TRAPPC10: variants seen among roughly 807,000 people sequenced by gnomAD.
The protein encoded by TRAPPC10 is trafficking protein particle complex subunit 10.
In TRAPPC10, 23 loss-of-function variants were observed where a neutral mutation model predicts 125.5. The observed-to-expected ratio is 0.18, with a 90% CI of 0.13 to 0.26. The LOEUF is 0.26. Ranked by LOEUF, TRAPPC10 falls within the 10% of genes least tolerant of loss-of-function variation. The pLI, the probability that TRAPPC10 is intolerant of heterozygous loss-of-function variation, is 1.00. For missense variants in TRAPPC10, 1,123 were observed against 1,308.4 expected (o/e 0.86, Z 2.19); for synonymous variants, 509 against 518.0 (o/e 0.98, Z 0.24).
chr21:44,079,895 T>TAA (rs370863418), intron 12 of TRAPPC10, 120 bp from the exon 13 acceptor site: 33 of 894,184 alleles, frequency 3.7e-5, no homozygotes, highest in African/African-American at 1.6e-4. Context: ...CCTAGTAACT[T>TAA]AAAAAAAAAA....
intron 7 of TRAPPC10, among the ~76,000 whole-genome samples, chr21:44,064,332 TGTGTGTGA>T (rs1231136126): frequency 2.0e-5 from 3 of 151,150 alleles, no homozygotes; most frequent in African/African-American, 4.9e-5. Flanking sequence ...TGTGTGTGTG[TGTGTGTGA>T]GTGTGAGAAT....
At chr21:44,030,118 G>T (rs928614198) in intron 1 of TRAPPC10, among the ~76,000 whole-genome samples, 3 of 152,352 alleles carry the variant, frequency 2.0e-5, no homozygotes, top group Non-Finnish European at 4.4e-5. Context: ...GTACGGCAGG[G>T]TTCCCAGGGA....
At chr21:44,065,095 C>T (rs1340476716) in intron 7 of TRAPPC10, among the ~76,000 whole-genome samples, 1 of 152,040 alleles carries the variant, frequency 6.6e-6, no homozygotes, top group Non-Finnish European at 1.5e-5. Flanking sequence ...TCTTACTAGC[C>T]GGGAGGGGGG....
At chr21:44,085,932 G>GA (rs973198032) in intron 15 of TRAPPC10, among the ~76,000 whole-genome samples, 4 of 152,116 alleles carry the variant, frequency 2.6e-5, no homozygotes, top group South Asian at 2.1e-4. Context: ...CTTCTACGTG[G>GA]AAAAAAATCA....
At position 44,063,074 on chromosome 21, in the gene TRAPPC10, C is replaced by A; in HGVS notation, c.791-464C>A. 7.7e-7 allele frequency: 1 copy of A among 1,304,234 alleles called. No individual in the cohort carries two copies. The highest frequency in any genetic ancestry group is 1.0e-6 in the Non-Finnish European group (1 of 989,118). The allele number at this position is 1,304,234 out of a possible 1,614,324, so 80.8% of individuals were successfully genotyped here. ...CCAGGAGCTTGACTCAGGGACGTGA[C>A]GTGGTTGAGTTAGGGAAATAAGGAA... is the stretch of plus-strand genomic sequence containing the variant. On this transcript the variant is annotated intron_variant, in intron 6 of 22. Transcript: ENST00000291574. This position sits in a 1 kb window ranked among gnomAD's most constrained non-coding sequence, Gnocchi z 4.4.
intron 1 of TRAPPC10, among the ~76,000 whole-genome samples, chr21:44,018,143 C>CTTTTTTT (rs60369997): frequency 1.3e-5 from 2 of 148,160 alleles, no homozygotes; most frequent in Non-Finnish European, 1.5e-5. Flanking sequence ...GTCTGATTTT[C>CTTTTTTT]TTTTTTTTTT....
At chr21:44,039,996 C>T (rs980163267) in intron 3 of TRAPPC10, among the ~76,000 whole-genome samples, 1 of 152,228 alleles carries the variant, frequency 6.6e-6, no homozygotes, top group African/African-American at 2.4e-5. Context: ...AGTGCTACAA[C>T]GTGCATAAGA....
At chr21:44,072,739 C>T (rs182498967) in intron 7 of TRAPPC10, among the ~76,000 whole-genome samples, 3 of 152,338 alleles carry the variant, frequency 2.0e-5, no homozygotes, top group Non-Finnish European at 4.4e-5. Flanking sequence ...GCTGAGATTA[C>T]AGGCGTGAGC....
intron 1 of TRAPPC10, among the ~76,000 whole-genome samples, chr21:44,014,536 G>T (rs1441761518): frequency 6.6e-6 from 1 of 151,694 alleles, no homozygotes; most frequent in Non-Finnish European, 1.5e-5. Flanking sequence ...CTCCCGAGTA[G>T]CTGGGATTAC....
At position 44,080,114 on chromosome 21, in the gene TRAPPC10, G is replaced by A. The variant is rs368607989; in HGVS notation, c.1710G>A (p.Pro570=). 5.0e-5 allele frequency: 80 copies of A among 1,613,884 alleles called. No homozygotes were observed. The highest frequency in any genetic ancestry group is 1.6e-4 in the Middle Eastern group (1 of 6,084). The change falls in exon 13 of 23, where the codon CCG becomes CCA. Residue 570 remains proline (P), a synonymous_variant. Coordinates refer to ENST00000291574, the MANE Select transcript of TRAPPC10 (RefSeq NM_003274.5). The part of the protein sequence containing the change: ...CQEILDFASQ[P]SDSPGHKIVL... ...AGATACTTGACTTTGCCAGCCAGCC[G>A]TCAGACAGCCCAGGTAAGACCAGTT... is the stretch of plus-strand genomic sequence containing the variant.
intron 20 of TRAPPC10, among the ~76,000 whole-genome samples, chr21:44,094,534 T>G (rs2038799639): frequency 6.6e-6 from 1 of 152,236 alleles, no homozygotes; most frequent in South Asian, 2.1e-4. Flanking sequence ...TCATGTTGAC[T>G]TAGTAACTCC....
chr21:44,084,372 G>A, intron 15 of TRAPPC10, 109 bp downstream of exon 15: 2 of 1,129,168 alleles, frequency 1.8e-6, no homozygotes, highest in Non-Finnish European at 2.4e-6. Flanking sequence ...GCCTTTAAGA[G>A]ATATTTTGGG....
chr21:44,025,548 G>A (rs1319753106), intron 1 of TRAPPC10, among the ~76,000 whole-genome samples: 1 of 152,150 alleles, frequency 6.6e-6, no homozygotes, highest in Non-Finnish European at 1.5e-5. Flanking sequence ...TGCTCTCTGA[G>A]GGCTAGAGAA....
Position 44,063,541 on chromosome 21 carries a change from G to C in TRAPPC10, c.794G>C (p.Gly265Ala), listed in dbSNP as rs774527342. ...TTCATGATGTGTGTTTGTTTAGATGGTGCCAACTGGCTGACTTTTTTCTGC... is the reference window on the plus strand; with the variant it reads ...TTCATGATGTGTGTTTGTTTAGATGCTGCCAACTGGCTGACTTTTTTCTGC... The part of the protein sequence containing the change: ...QYVVNFGAGD[G>A]ANWLTFFCQP... The change falls in exon 7 of 23, where the codon GGT (glycine) becomes GCT (alanine). Residue 265 changes from glycine to alanine, a missense_variant. Physicochemically the swap from Gly to Ala is moderately conservative, Grantham distance 60. Transcript: ENST00000291574. This position sits in a 1 kb window ranked among gnomAD's most constrained non-coding sequence, Gnocchi z 4.4. 1 of 1,614,134 alleles carries C rather than the reference G, an allele frequency of 6.2e-7. No individual in the cohort carries two copies. Among genetic ancestry groups the C allele is most frequent in the Admixed American group, 1.7e-5 (1 of 60,026 alleles).
intron 10 of TRAPPC10, 83 bp from the exon 11 acceptor site, chr21:44,077,610 T>C (rs2037382291): frequency 9.2e-7 from 1 of 1,088,036 alleles, no homozygotes; most frequent in Non-Finnish European, 1.4e-6. Context: ...CAATGTCTTT[T>C]GTGTGAGCTT....
At chr21:44,043,766 G>C (rs1243125400) in intron 3 of TRAPPC10, among the ~76,000 whole-genome samples, 1 of 152,204 alleles carries the variant, frequency 6.6e-6, no homozygotes, top group East Asian at 1.9e-4. Context: ...TTGAGAGGAA[G>C]TCCTAAAAGA....
At chr21:44,056,541 C>T (rs932357627) in intron 5 of TRAPPC10, among the ~76,000 whole-genome samples, 1 of 152,186 alleles carries the variant, frequency 6.6e-6, no homozygotes, top group Non-Finnish European at 1.5e-5. Context: ...GCTGTGTCCA[C>T]CTCATGAAAT....
chr21:44,080,132 G>T lies in TRAPPC10; in HGVS notation c.1723+5G>T. 1 of 1,611,394 alleles carries T rather than the reference G, an allele frequency of 6.2e-7. No homozygotes were observed. The highest frequency in any genetic ancestry group is 1.1e-5 in the South Asian group (1 of 91,006). On this transcript the variant is annotated splice_donor_5th_base_variant and intron_variant, in intron 13 of 22. Transcript: ENST00000291574. ...GCCAGCCGTCAGACAGCCCAGGTAAGACCAGTTCTTACAACTTGACTAGGA... is the reference window on the plus strand; with the variant it reads ...GCCAGCCGTCAGACAGCCCAGGTAATACCAGTTCTTACAACTTGACTAGGA...
chr21:44,070,170 C>A (rs191960545), intron 7 of TRAPPC10, among the ~76,000 whole-genome samples: 1 of 152,108 alleles, frequency 6.6e-6, no homozygotes, highest in African/African-American at 2.4e-5. Flanking sequence ...ATGTACCTTC[C>A]AGTGTGTGGG....
Sources: gnomAD v4.1 joint callset for allele counts (sites outside exome capture counted in the v4.1 genomes callset) on GRCh38, gnomAD v4.1.1 for gene constraint, Gnocchi (gnomAD v3.1) non-coding constraint, MANE v1.5 for transcripts, NCBI Gene and HGNC (gene_info 2026-07-23, HGNC 2026-07-21) for gene names.